The following BPIFB6 variants were observed in gnomAD, a reference collection of about 807,000 sequenced individuals.
BPIFB6 encodes the protein BPI fold-containing family B member 6.
Under a neutral mutation model 54.7 loss-of-function variants are expected in BPIFB6, and 47 were observed. The observed-to-expected ratio is 0.86, with a 90% CI of 0.68 to 1.10. The LOEUF (loss-of-function observed/expected upper bound fraction) is 1.10, where lower values mean the gene tolerates loss of function less well. Among genes scored for constraint, BPIFB6 ranks in the 50% least tolerant of loss-of-function variants. BPIFB6 has a pLI of 0.00. For synonymous variants in BPIFB6, 255 were observed against 225.9 expected (o/e 1.13, Z -1.16); for missense variants, 603 against 564.1 (o/e 1.07, Z -0.70).
intron 4 of BPIFB6, 63 bp downstream of exon 4, chr20:33,034,975 C>T: frequency 8.1e-6 from 13 of 1,605,836 alleles, no homozygotes; most frequent in East Asian, 2.2e-5. Context: ...CAGCATATCA[C>T]TTCCTGAGCC....
intron 4 of BPIFB6, 65 bp from the exon 5 acceptor site, chr20:33,035,016 T>C: frequency 6.2e-7 from 1 of 1,609,670 alleles, no homozygotes; most frequent in African/African-American, 1.3e-5. Flanking sequence ...CCCCTTCATG[T>C]CCTGTGCCTA....
intron 5 of BPIFB6, 87 bp downstream of exon 5, chr20:33,035,231 C>A: frequency 7.4e-7 from 1 of 1,347,420 alleles, no homozygotes; most frequent in Middle Eastern, 1.8e-4. Context: ...TGGGTGCTGA[C>A]CCTGATTGAC....
intron 4 of BPIFB6, 47 bp downstream of exon 4, chr20:33,034,959 AC>A (rs748374008): frequency 1.9e-6 from 3 of 1,604,156 alleles, no homozygotes; most frequent in Non-Finnish European, 1.7e-6. Context: ...ATATTGCTAT[AC>A]CCCCCAGCAT....
chr20:33,033,782 T>C (rs1979205810), intron 2 of BPIFB6, among the ~76,000 whole-genome samples: 1 of 152,192 alleles, frequency 6.6e-6, no homozygotes, highest in African/African-American at 2.4e-5. Flanking sequence ...AGGTCGGAGA[T>C]GCTATTAGAC....
chr20:33,031,694 C>T lies in BPIFB6; in HGVS notation c.47C>T (p.Thr16Met), dbSNP rs17301126. Residue 16 changes from threonine (T) to methionine (M), a missense_variant, in exon 1 of 15, where the codon ACG becomes ATG. By Grantham distance (81) the Thr-to-Met change is moderately conservative. Coordinates refer to ENST00000349552, the MANE Select transcript of BPIFB6 (RefSeq NM_174897.2). Reference protein sequence around the residue: ...CLALCSLLTGTRADPGALLRL... With the variant: ...CLALCSLLTGMRADPGALLRL... ...GCACTCTGCAGCCTGCTGACTGGCA[C>T]GCGAGCTGACCCTGGGGCACTGCTG... 0.12 allele frequency: 190,574 copies of T among 1,613,832 alleles called. 12,168 individuals are homozygous for T. Among genetic ancestry groups the T allele is most frequent in the Non-Finnish European group, 0.13 (156,678 of 1,179,856 alleles).
intron 10 of BPIFB6, among the ~76,000 whole-genome samples, chr20:33,040,036 G>A (rs1357203083): frequency 1.3e-5 from 2 of 152,196 alleles, no homozygotes; most frequent in Non-Finnish European, 2.9e-5. Flanking sequence ...TATTTTGGGG[G>A]ATGCTGCCCT....
chr20:33,042,984 G>C, intron 13 of BPIFB6, 106 bp downstream of exon 13: 1 of 995,948 alleles, frequency 1.0e-6, no homozygotes, highest in Non-Finnish European at 1.5e-6. Context: ...CCAGATGGGG[G>C]AAGCTAAAAG....
intron 7 of BPIFB6, 66 bp from the exon 8 acceptor site, chr20:33,037,496 C>A: frequency 6.7e-7 from 1 of 1,491,282 alleles, no homozygotes; most frequent in Non-Finnish European, 9.1e-7. Context: ...GCTTGGAGGA[C>A]TGAGACACTC....
At chr20:33,042,966 C>T (rs534378190) in intron 13 of BPIFB6, 88 bp downstream of exon 13, 1 of 1,224,406 alleles carries the variant, frequency 8.2e-7, no homozygotes, top group East Asian at 2.3e-5. Context: ...AAAGCCCTAT[C>T]ACTGGGCCCA....
rs751657821 is a variant in BPIFB6 at position 33,043,344 on chromosome 20, C to G, written c.1306C>G (p.Leu436Val). 10 of 1,614,076 alleles carry G rather than the reference C, an allele frequency of 6.2e-6. No individual in the cohort carries two copies. The highest frequency in any genetic ancestry group is 8.5e-6 in the Non-Finnish European group (10 of 1,180,032). ...GGACTTTCTGGCCATGAATTACAAC[C>G]TGGCTGAGCTGGACATAGTAGAGGT... ...LPDFLAMNYN[L>V]AELDIVENAL... is the part of the protein sequence containing the mutation. Residue 436 changes from leucine to valine, a missense_variant, in exon 14 of 15, where the codon CTG becomes GTG. By Grantham distance (32) the Leu-to-Val change is conservative (BLOSUM62 1). Coordinates refer to ENST00000349552, the MANE Select transcript of BPIFB6 (RefSeq NM_174897.2).
intron 10 of BPIFB6, among the ~76,000 whole-genome samples, 176 bp from the exon 11 acceptor site, chr20:33,040,075 T>A (rs1979513237): frequency 6.6e-6 from 1 of 152,188 alleles, no homozygotes; most frequent in Non-Finnish European, 1.5e-5. Flanking sequence ...ATGAGAAGCC[T>A]GGGCTGGCGC....
rs1034875182 is a variant in BPIFB6 at position 33,041,910 on chromosome 20, C to G, written c.1143-60C>G. 5 of 1,512,548 alleles carry G rather than the reference C, an allele frequency of 3.3e-6. No homozygotes were observed. The African/African-American group carries it at 5.5e-5, about 17-fold the overall frequency. The allele number at this position is 1,512,548 out of a possible 1,614,324, so 93.7% of individuals were successfully genotyped here. A position where few individuals can be genotyped will look rare whatever the true frequency, so the allele number is the denominator to read the frequency against. Reference sequence around the variant, plus strand: ...GGGACCCCCTTCTCCAGCGCCAGGGCCACTGGCTCTGACCGTTCTTTCCCC... The same window carrying G: ...GGGACCCCCTTCTCCAGCGCCAGGGGCACTGGCTCTGACCGTTCTTTCCCC... On this transcript the variant is annotated intron_variant, in intron 11 of 14. Coordinates refer to ENST00000349552, the MANE Select transcript of BPIFB6 (RefSeq NM_174897.2).
intron 14 of BPIFB6, 122 bp from the exon 15 acceptor site, chr20:33,043,893 C>T (rs993960187): frequency 7.9e-7 from 1 of 1,272,096 alleles, no homozygotes; most frequent in African/African-American, 1.5e-5. Flanking sequence ...GGCAAGTCTA[C>T]TTCAACCTTT....
chr20:33,034,302 A>G lies in BPIFB6; in HGVS notation c.302+12A>G, dbSNP rs1457029615. ...GTCACTGGCAAGAGGTGAGTGTGGC[A>G]GGGGAGGGGCAGCGGGGAGGAGAAC... On this transcript the variant is annotated intron_variant, in intron 3 of 14. Transcript: ENST00000349552. 1 of 1,589,346 alleles carries G rather than the reference A, an allele frequency of 6.3e-7. No homozygotes were observed. Among genetic ancestry groups the G allele is most frequent in the East Asian group, 2.2e-5 (1 of 44,730 alleles).
In BPIFB6 at chr20:33,037,754, CCCCATTTCCAT is replaced by C. The variant is rs773785738; in HGVS notation, c.846+18_846+28del. 454 of 1,613,064 alleles carry C rather than the reference CCCCATTTCCAT, an allele frequency of 2.8e-4. 3 individuals carry two copies. The highest frequency in any genetic ancestry group is 3.3e-4 in the Non-Finnish European group (393 of 1,179,416). On this transcript the variant is annotated intron_variant, in intron 8 of 14. Coordinates refer to ENST00000349552, the MANE Select transcript of BPIFB6 (RefSeq NM_174897.2). Reference sequence around the variant, plus strand: ...GGATACAATGGTGAGCTGTCCAGTTCCCCATTTCCATCTGCCTCTGTCCATTACAATGCAGT... The same window carrying C: ...GGATACAATGGTGAGCTGTCCAGTTCCTGCCTCTGTCCATTACAATGCAGT...
intron 13 of BPIFB6, among the ~76,000 whole-genome samples, 157 bp downstream of exon 13, chr20:33,043,035 T>G (rs1053120506): frequency 6.6e-6 from 1 of 152,224 alleles, no homozygotes. Flanking sequence ...GTGAATATAG[T>G]CTTAATGTCA....
At chr20:33,033,223 T>C (rs1694577922) in intron 2 of BPIFB6, 140 bp downstream of exon 2, 3 of 730,128 alleles carry the variant, frequency 4.1e-6, no homozygotes, top group Non-Finnish European at 7.4e-6. Flanking sequence ...TGTCTTGCTG[T>C]GTGGCCTTGG....
Position 33,039,464 on chromosome 20 carries a change from AT to A in BPIFB6, c.1019del (p.Met340SerfsTer17). On this transcript the variant is annotated frameshift_variant, in exon 10 of 15. Coordinates refer to ENST00000349552, the MANE Select transcript of BPIFB6 (RefSeq NM_174897.2). LOFTEE classifies it high-confidence loss of function. ...SLLHLHSTLE[M>X]FAARWRSKAP... ...GCTGCACCTCCACAGCACCCTGGAG[AT>A]GTTCGCAGCTCGGTGGCGGAGCAAG... is the stretch of plus-strand genomic sequence containing the variant. 2 of 1,614,128 alleles carry A rather than the reference AT, an allele frequency of 1.2e-6. No homozygotes were observed. The highest frequency in any genetic ancestry group is 1.7e-6 in the Non-Finnish European group (2 of 1,179,990).
At position 33,041,963 on chromosome 20, in the gene BPIFB6, C is replaced by G. The variant is rs570825385; in HGVS notation, c.1143-7C>G. ...CCCGCCTGGCTTGCTTCCCCACTCCCCCACAGATTACTGAGCTTGTCCCGG... is the reference window on the plus strand; with the variant it reads ...CCCGCCTGGCTTGCTTCCCCACTCCGCCACAGATTACTGAGCTTGTCCCGG... On this transcript the variant is annotated splice_polypyrimidine_tract_variant and splice_region_variant and intron_variant, in intron 11 of 14. Coordinates refer to ENST00000349552, the MANE Select transcript of BPIFB6 (RefSeq NM_174897.2). The G allele has an allele frequency of 2.5e-6, 4 of 1,614,096 alleles. No individual in the cohort carries two copies. In the Middle Eastern group the frequency reaches 6.6e-4, roughly 266 times the overall value.
Sources: gnomAD v4.1 joint callset for allele counts (sites outside exome capture counted in the v4.1 genomes callset) on GRCh38, gnomAD v4.1.1 for gene constraint, MANE v1.5 for transcripts, NCBI Gene and HGNC (gene_info 2026-07-23, HGNC 2026-07-21) for gene names.